The following SP140 variants were observed in gnomAD, a reference collection of about 807,000 sequenced individuals.
SP140 encodes SP140 nuclear body protein.
Under a neutral mutation model 125.0 loss-of-function variants are expected in SP140, and 81 were observed. That is an observed-to-expected ratio of 0.65 (90% CI 0.54 to 0.78). SP140 has a LOEUF of 0.78. Ranked by LOEUF, SP140 falls within the 30% of genes least tolerant of loss-of-function variation. The pLI, the probability that SP140 is intolerant of heterozygous loss-of-function variation, is 0.00. For synonymous variants in SP140, 312 were observed against 354.0 expected (o/e 0.88, Z 1.33); for missense variants, 858 against 1,037.0 (o/e 0.83, Z 2.37).
chr2:230,228,912 G>T (rs944450103), intron 1 of SP140, among the ~76,000 whole-genome samples: 4 of 151,992 alleles, frequency 2.6e-5, no homozygotes, highest in African/African-American at 9.7e-5. Flanking sequence ...AATATAGTTA[G>T]ATTAATATCT....
chr2:230,216,817 G>C, intron 3 of SP140: 1 of 1,614,094 alleles, frequency 6.2e-7, no homozygotes, highest in Non-Finnish European at 8.5e-7. Context: ...AGTTGTCTAG[G>C]AGGCCTTCAA....
At chr2:230,200,100 A>G (rs1399255205), upstream of SP140, among the ~76,000 whole-genome samples, 1 of 152,246 alleles carries the variant, frequency 6.6e-6, no homozygotes, top group Non-Finnish European at 1.5e-5. Flanking sequence ...AAGCCAGTGC[A>G]ATATAGGAGA....
chr2:230,241,003 G>A (rs1316907412), intron 3 of SP140, among the ~76,000 whole-genome samples: 1 of 152,082 alleles, frequency 6.6e-6, no homozygotes, highest in Non-Finnish European at 1.5e-5. Flanking sequence ...AGAGCAACAT[G>A]GATAAATCTC....
At position 230,269,961 on chromosome 2, in the gene SP140, T is replaced by A. The variant is rs2053671179; in HGVS notation, c.1444+8T>A. The stretch of plus-strand genomic sequence containing the variant: ...AAGCGTGTGGCACAATGGGTAAGGC[T>A]GTCTGAGGGCCGTGGGATGGGGGTG... On this transcript the variant is annotated splice_region_variant and intron_variant, in intron 14 of 26. Transcript: ENST00000392045. The A allele has an allele frequency of 6.3e-7, 1 of 1,598,782 alleles. No individual in the cohort carries two copies. The highest frequency in any genetic ancestry group is 8.6e-7 in the Non-Finnish European group (1 of 1,166,346).
upstream of SP140, among the ~76,000 whole-genome samples, chr2:230,225,299 A>T (rs1485981935): frequency 6.6e-6 from 1 of 152,194 alleles, no homozygotes; most frequent in Non-Finnish European, 1.5e-5. Context: ...GTCTGCTTTC[A>T]TGGAGTGCTA....
chr2:230,255,813 T>C (rs1185299464), intron 12 of SP140, among the ~76,000 whole-genome samples: 1 of 152,224 alleles, frequency 6.6e-6, no homozygotes, highest in African/African-American at 2.4e-5. Context: ...CAAGGCAATG[T>C]GTTCCCTCCT....
intron 1 of SP140, among the ~76,000 whole-genome samples, chr2:230,204,223 C>A (rs1013871666): frequency 2.6e-5 from 4 of 152,198 alleles, no homozygotes; most frequent in Non-Finnish European, 5.9e-5. Flanking sequence ...ACAGAACTGA[C>A]CATCTGACAC....
intron 12 of SP140, among the ~76,000 whole-genome samples, chr2:230,259,081 GTTTA>G (rs202001502): frequency 0.018 from 2,677 of 151,988 alleles, 100 homozygotes; most frequent in African/African-American, 0.062. Flanking sequence ...TGGCCTGTTT[GTTTA>G]TTTATTTATT....
chr2:230,251,701 A>C (rs987314552), intron 10 of SP140, among the ~76,000 whole-genome samples: 7 of 152,118 alleles, frequency 4.6e-5, no homozygotes, highest in African/African-American at 7.2e-5. Flanking sequence ...AATTCAGATG[A>C]TCTCTTTATG....
Position 230,287,931 on chromosome 2 carries a change from G to A in SP140, c.1685G>A (p.Ser562Asn). The A allele has an allele frequency of 6.2e-7, 1 of 1,612,562 alleles. No homozygotes were observed. The highest frequency in any genetic ancestry group is 1.3e-5 in the African/African-American group (1 of 74,954). Residue 562 changes from serine to asparagine, a missense_variant, in exon 18 of 27, where the codon AGT (serine) becomes AAT (asparagine). This residue lies in a region of SP140 where 791 missense variants were observed against 869.5 expected (regional missense o/e 0.91). Transcript: ENST00000392045. ...RGKPGTRFTQ[S>N]DRAAQKRVRS... Reference sequence around the variant, plus strand: ...AAACCTGGAACCCGCTTCACTCAGAGTGACAGAGCTGCACAGAAAAGAGTC... The same window carrying A: ...AAACCTGGAACCCGCTTCACTCAGAATGACAGAGCTGCACAGAAAAGAGTC...
chr2:230,285,354 T>C (rs978861386), intron 16 of SP140, among the ~76,000 whole-genome samples: 1 of 152,224 alleles, frequency 6.6e-6, no homozygotes, highest in African/African-American at 2.4e-5. Flanking sequence ...TTATTAATTT[T>C]TACCAATCTT....
rs2149105040 is a variant in SP140, at chr2:230,237,353, G to A, written c.237+93G>A. On this transcript the variant is annotated intron_variant, in intron 2 of 26. Transcript: ENST00000392045. This position sits in a 1 kb window ranked among gnomAD's most constrained non-coding sequence, Gnocchi z 5.4. Reference sequence around the variant, plus strand: ...ATGAGCAGGCTAAAGGGCCTCCTGTGAGTGGGGACCTTCACCATTCTGTAG... The same window carrying A: ...ATGAGCAGGCTAAAGGGCCTCCTGTAAGTGGGGACCTTCACCATTCTGTAG... The A allele has an allele frequency of 9.0e-7, 1 of 1,107,886 alleles. No homozygotes were observed. Among genetic ancestry groups the A allele is most frequent in the Non-Finnish European group, 1.3e-6 (1 of 763,266 alleles). 68.6% of individuals were successfully genotyped at this position (1,107,886 alleles called of 1,614,324 possible).
upstream of SP140, among the ~76,000 whole-genome samples, chr2:230,223,262 C>G (rs1230462153): frequency 6.6e-6 from 1 of 152,138 alleles, no homozygotes; most frequent in Non-Finnish European, 1.5e-5. Flanking sequence ...GTCTTGATCT[C>G]CTGACCTCGT....
At chr2:230,295,104 G>A (rs553620296) in intron 21 of SP140, among the ~76,000 whole-genome samples, 38 of 152,348 alleles carry the variant, frequency 2.5e-4, no homozygotes, top group African/African-American at 8.9e-4. Context: ...AAACAAATAG[G>A]TTAAGTGCAG....
intron 3 of SP140, among the ~76,000 whole-genome samples, chr2:230,214,585 C>T (rs1195858747): frequency 2.0e-5 from 3 of 152,230 alleles, no homozygotes; most frequent in Non-Finnish European, 4.4e-5. Flanking sequence ...TATCCGTCCA[C>T]ATTCATTTTT....
chr2:230,277,124 A>G (rs2054826294), intron 15 of SP140, among the ~76,000 whole-genome samples: 1 of 152,180 alleles, frequency 6.6e-6, no homozygotes, highest in Non-Finnish European at 1.5e-5. Flanking sequence ...GAGAGGATCT[A>G]CCGTGATAAA....
intron 1 of SP140, chr2:230,234,795 G>T (rs1181300305): frequency 6.6e-6 from 1 of 151,986 alleles, no homozygotes; most frequent in Non-Finnish European, 1.5e-5. Context: ...TTTCTGCATG[G>T]AATTTTTGGT....
intron 9 of SP140, among the ~76,000 whole-genome samples, chr2:230,249,928 C>T (rs1247695421): frequency 6.6e-6 from 1 of 152,190 alleles, no homozygotes; most frequent in Non-Finnish European, 1.5e-5. Flanking sequence ...TCCCCAGTCT[C>T]ATCTGCTCAG....
In SP140 at chr2:230,211,209, TCTGTCC is replaced by T. The variant is rs2044432465; in HGVS notation, c.-322-2444_-322-2439del. Among the ~76,000 whole-genome samples, 4 of 152,190 alleles carry T rather than the reference TCTGTCC, an allele frequency of 2.6e-5. No homozygotes were observed. Among genetic ancestry groups the T allele is most frequent in the South Asian group, 2.1e-4 (1 of 4,828 alleles). ...CCAAACCTACAGGCACTGGTGGGGC[TCTGTCC>T]ATCATCATCCGTGGCCCTATCCAAG... On this transcript the variant is annotated intron_variant, in intron 1 of 4. Coordinates refer to the SP140 transcript ENST00000456542. This position sits in a 1 kb window ranked among gnomAD's most constrained non-coding sequence, Gnocchi z 4.2.
Sources: allele counts gnomAD v4.1 joint callset (sites outside exome capture counted in the v4.1 genomes callset), GRCh38; gene constraint gnomAD v4.1.1; regional missense constraint gnomAD v4.1.1; non-coding constraint Gnocchi (gnomAD v3.1); transcripts MANE v1.5; gene names NCBI Gene and HGNC (gene_info 2026-07-23, HGNC 2026-07-21).